The following MYH10 variants were observed in gnomAD, a reference collection of about 807,000 sequenced individuals.
MYH10 encodes myosin heavy chain 10, also known as myosin-10.
MYH10 carries 55 observed loss-of-function variants against 257.8 expected under a neutral mutation model. The ratio of observed to expected loss-of-function variants is 0.21; its 90% confidence interval spans 0.17 to 0.27. The LOEUF is 0.27. MYH10 is among the 10% of genes least tolerant of loss of function. The pLI is 1.00. For missense variants in MYH10, 1,631 were observed against 2,500.6 expected (o/e 0.65, Z 7.42); for synonymous variants, 854 against 921.7 (o/e 0.93, Z 1.33).
At chr17:8,568,270 T>C (rs2083227237) in intron 7 of MYH10, among the ~76,000 whole-genome samples, 1 of 152,140 alleles carries the variant, frequency 6.6e-6, no homozygotes, top group African/African-American at 2.4e-5. Context: ...GCCTCCAGAA[T>C]TGTGGAAAAG....
chr17:8,588,314 C>T (rs2083988789), intron 4 of MYH10, among the ~76,000 whole-genome samples: 1 of 152,126 alleles, frequency 6.6e-6, no homozygotes, highest in African/African-American at 2.4e-5. Context: ...TATCCAAGAG[C>T]CCAATGACAG....
Position 8,490,580 on chromosome 17 carries a change from T to G in MYH10, c.4672-28A>C. ...AAACCACCGAAGCATCAGGAAAGAG[T>G]TGACCGGGGTGGAGGCACATATGAA... On this transcript the variant is annotated intron_variant, in intron 34 of 42. Coordinates refer to ENST00000360416, the MANE Select transcript of MYH10 (RefSeq NM_001256012.3). This position sits in a 1 kb window ranked among gnomAD's most constrained non-coding sequence, Gnocchi z 4.1. 1 of 1,604,816 alleles carries G rather than the reference T, an allele frequency of 6.2e-7. No individual in the cohort carries two copies. Among genetic ancestry groups the G allele is most frequent in the Middle Eastern group, 1.7e-4 (1 of 6,038 alleles).
At chr17:8,530,589 T>C (rs1397486917) in intron 17 of MYH10, 34 bp downstream of exon 17, 3 of 1,306,346 alleles carry the variant, frequency 2.3e-6, no homozygotes, top group Non-Finnish European at 3.0e-6. Context: ...AAAACCCTTC[T>C]GTTTTGGAAG....
chr17:8,574,442 T>C (rs895647063), intron 6 of MYH10, among the ~76,000 whole-genome samples: 8 of 152,192 alleles, frequency 5.3e-5, no homozygotes, highest in Non-Finnish European at 1.0e-4. Context: ...TGTTCTAAAA[T>C]TGATTATGAT....
Position 8,569,179 on chromosome 17 carries a change from G to C in MYH10, c.756+541C>G, listed in dbSNP as rs2083257689. Among the ~76,000 whole-genome samples the C allele has an allele frequency of 6.6e-6, 1 of 150,986 alleles. No individual in the cohort carries two copies. The highest frequency in any genetic ancestry group is 1.5e-5 in the Non-Finnish European group (1 of 67,848). On this transcript the variant is annotated intron_variant, in intron 7 of 42. Transcript: ENST00000360416. The surrounding 1 kb of genome is among the most constrained non-coding windows in gnomAD (Gnocchi z 4.1). ...GGTGGCTGCAGTGAGCTATGACTGTGCCACTGCACTCCAGGCTGGGTGACA... is the reference window on the plus strand; with the variant it reads ...GGTGGCTGCAGTGAGCTATGACTGTCCCACTGCACTCCAGGCTGGGTGACA...
intron 2 of MYH10, among the ~76,000 whole-genome samples, chr17:8,616,774 A>AG (rs1209850497): frequency 1.3e-5 from 2 of 152,176 alleles, no homozygotes; most frequent in African/African-American, 2.4e-5. Context: ...AAAACTGACA[A>AG]GCAGATTCTA....
chr17:8,487,609 C>A lies in MYH10; in HGVS notation c.4885-15G>T. The A allele has an allele frequency of 6.2e-7, 1 of 1,613,966 alleles. No individual in the cohort carries two copies. ...AGCTCCCGCACCTAATGGACAACAT[C>A]GGGTTATGCTGGGTTACATCCAAGT... On this transcript the variant is annotated splice_polypyrimidine_tract_variant and intron_variant, in intron 35 of 42. Coordinates refer to ENST00000360416, the MANE Select transcript of MYH10 (RefSeq NM_001256012.3).
At chr17:8,550,693 T>G (rs62063444) in intron 9 of MYH10, among the ~76,000 whole-genome samples, 75,603 of 150,350 alleles carry the variant, frequency 0.5, 19,633 homozygotes, top group Middle Eastern at 0.61. Flanking sequence ...CTTTGTGGAA[T>G]GGAGAGGCGG....
intron 16 of MYH10, among the ~76,000 whole-genome samples, chr17:8,533,873 A>G (rs1023794548): frequency 1.3e-5 from 2 of 152,214 alleles, no homozygotes; most frequent in Admixed American, 6.5e-5. Flanking sequence ...TGTAACCTAC[A>G]CAGTCTCCAA....
At chr17:8,613,408 G>A (rs2085120544) in intron 2 of MYH10, among the ~76,000 whole-genome samples, 1 of 152,070 alleles carries the variant, frequency 6.6e-6, no homozygotes, top group African/African-American at 2.4e-5. Flanking sequence ...AAAATATAGA[G>A]AGAATTAAAC....
chr17:8,592,444 T>A (rs1305516424), intron 3 of MYH10, among the ~76,000 whole-genome samples: 2 of 152,068 alleles, frequency 1.3e-5, no homozygotes, highest in Non-Finnish European at 1.5e-5. Context: ...AAACTGCCAA[T>A]ATCTGTAATT....
At chr17:8,568,417 A>G (rs561595566) in intron 7 of MYH10, among the ~76,000 whole-genome samples, 32 of 152,198 alleles carry the variant, frequency 2.1e-4, no homozygotes, top group African/African-American at 7.7e-4. Context: ...CGCTTCCACT[A>G]ATCATAGCAA....
chr17:8,550,185 C>T (rs1464754320), intron 9 of MYH10, among the ~76,000 whole-genome samples: 1 of 150,664 alleles, frequency 6.6e-6, no homozygotes, highest in East Asian at 2.0e-4. Flanking sequence ...TGCCTGGCTG[C>T]CCAGTCTGGA....
chr17:8,565,734 T>C (rs1348331894), intron 7 of MYH10, among the ~76,000 whole-genome samples: 5 of 152,220 alleles, frequency 3.3e-5, no homozygotes, highest in Non-Finnish European at 7.3e-5. Context: ...TTGTTGAACA[T>C]TTGGATTCAA....
intron 35 of MYH10, among the ~76,000 whole-genome samples, chr17:8,489,769 A>G (rs1363875970): frequency 6.7e-6 from 1 of 148,578 alleles, no homozygotes; most frequent in Non-Finnish European, 1.5e-5. Context: ...ACTTACTGCC[A>G]TGAACTGGAA....
chr17:8,581,029 G>A (rs796385240), intron 4 of MYH10, among the ~76,000 whole-genome samples: 13 of 152,168 alleles, frequency 8.5e-5, no homozygotes, highest in African/African-American at 3.1e-4. Context: ...TCAGGAAGAT[G>A]GAGAGGTACA....
intron 2 of MYH10, among the ~76,000 whole-genome samples, chr17:8,610,156 A>G (rs1276178113): frequency 6.6e-6 from 1 of 151,504 alleles, no homozygotes; most frequent in African/African-American, 2.4e-5. Flanking sequence ...TCTCAACATC[A>G]TAAAGTGAGA....
In MYH10 at chr17:8,492,406, C is replaced by T. The variant is rs572513630; in HGVS notation, c.4562G>A (p.Arg1521Gln). 7 of 1,613,510 alleles carry T rather than the reference C, an allele frequency of 4.3e-6. No individual in the cohort carries two copies. Among genetic ancestry groups the T allele is most frequent in the African/African-American group, 2.7e-5 (2 of 75,070 alleles). ...EKETKALSLARALEEALEAKE... is the reference protein window; with the variant it reads ...EKETKALSLAQALEEALEAKE... ...GGCCTCCAGGGCTTCCTCGAGGGCCCGGGCCAGTGACAGGGCTTTGGTTTC... is the reference window on the plus strand; with the variant it reads ...GGCCTCCAGGGCTTCCTCGAGGGCCTGGGCCAGTGACAGGGCTTTGGTTTC... The change falls in exon 34 of 43, where the codon CGG (arginine) becomes CAG (glutamine). Residue 1521 changes from arginine (R) to glutamine (Q), a missense_variant. This residue lies in a region of MYH10 where 463 missense variants were observed against 621.8 expected (regional missense o/e 0.74). Transcript: ENST00000360416.
chr17:8,561,236 A>C (rs1014210506), intron 7 of MYH10: 6 of 847,052 alleles, frequency 7.1e-6, no homozygotes, highest in African/African-American at 1.6e-5. Context: ...CAAGATGACA[A>C]AGAAAAGAAG....
Sources: gnomAD v4.1 joint callset for allele counts (sites outside exome capture counted in the v4.1 genomes callset) on GRCh38, gnomAD v4.1.1 for gene constraint, gnomAD v4.1.1 regional missense constraint, Gnocchi (gnomAD v3.1) non-coding constraint, MANE v1.5 for transcripts, NCBI Gene and HGNC (gene_info 2026-07-23, HGNC 2026-07-21) for gene names.